The following PTPRG variants were observed in gnomAD, a reference collection of about 807,000 sequenced individuals.
The protein encoded by PTPRG is receptor-type tyrosine-protein phosphatase gamma.
A neutral mutation model predicts 165.3 loss-of-function variants in PTPRG; 102 were observed. The ratio of observed to expected loss-of-function variants is 0.62; its 90% CI spans 0.53 to 0.73. The LOEUF is 0.73. Among genes scored for constraint, PTPRG ranks in the 30% least tolerant of loss-of-function variants. The probability of loss-of-function intolerance (pLI) is 0.00; values close to 1 mark genes in which losing one functional copy is unlikely to be tolerated. For synonymous variants in PTPRG, 675 were observed against 669.5 expected (o/e 1.01, Z -0.13); for missense variants, 1,866 against 1,861.4 (o/e 1.00, Z -0.05).
intron 2 of PTPRG, among the ~76,000 whole-genome samples, chr3:61,790,114 A>G (rs944138370): frequency 6.6e-6 from 1 of 152,148 alleles, no homozygotes; most frequent in East Asian, 1.9e-4. Context: ...GACTGGTGTG[A>G]TCACTTAGCC....
At chr3:61,869,016 C>T (rs909586012) in intron 2 of PTPRG, among the ~76,000 whole-genome samples, 7 of 151,898 alleles carry the variant, frequency 4.6e-5, no homozygotes, top group East Asian at 1.9e-4. Context: ...ATAGTTTCCA[C>T]GCTTCATAAA....
At position 62,296,492 on chromosome 3, in the gene PTPRG, A is replaced by G. The variant is rs1703067342; in HGVS notation, c.*3185A>G. 1 of 151,642 alleles carries G rather than the reference A, an allele frequency of 6.6e-6. No homozygotes were observed. Among genetic ancestry groups the G allele is most frequent in the African/African-American group, 2.4e-5 (1 of 41,078 alleles). 9.4% of individuals were successfully genotyped at this position (151,642 alleles called of 1,614,324 possible). A position where few individuals can be genotyped will look rare whatever the true frequency, so the allele number is the denominator to read the frequency against. ...ATACATATTACTAATTCTAAGCAAA[A>G]CTAAAAAAAAAACCCAACTCATCAT... is the stretch of plus-strand genomic sequence containing the variant. On this transcript the variant is annotated 3_prime_UTR_variant, in exon 30 of 30. Coordinates refer to ENST00000474889, the MANE Select transcript of PTPRG (RefSeq NM_002841.4).
At chr3:61,910,288 G>C (rs903060846) in intron 2 of PTPRG, among the ~76,000 whole-genome samples, 1 of 152,116 alleles carries the variant, frequency 6.6e-6, no homozygotes, top group Non-Finnish European at 1.5e-5. Flanking sequence ...GTTTGTTGCC[G>C]AATGTCACCA....
chr3:62,179,132 A>C (rs1406743055), intron 8 of PTPRG, among the ~76,000 whole-genome samples: 1 of 152,222 alleles, frequency 6.6e-6, no homozygotes, highest in East Asian at 1.9e-4. Flanking sequence ...GAATATGGAC[A>C]GAACCCTTCT....
At chr3:62,258,044 C>T (rs927798227) in intron 16 of PTPRG, among the ~76,000 whole-genome samples, 1 of 152,034 alleles carries the variant, frequency 6.6e-6, no homozygotes, top group South Asian at 2.1e-4. Flanking sequence ...TTGCAAGTGA[C>T]TAGAAATGAT....
At chr3:61,810,967 G>A (rs2035556109) in intron 2 of PTPRG, among the ~76,000 whole-genome samples, 1 of 152,166 alleles carries the variant, frequency 6.6e-6, no homozygotes, top group Admixed American at 6.5e-5. Flanking sequence ...GTTGGGGAGT[G>A]CAAGGCTGTC....
chr3:61,716,157 T>C (rs2031797505), intron 1 of PTPRG, among the ~76,000 whole-genome samples: 2 of 152,026 alleles, frequency 1.3e-5, no homozygotes, highest in Admixed American at 1.3e-4. Flanking sequence ...GTTTGTTTGC[T>C]TTTTTCCCCA....
intron 1 of PTPRG, among the ~76,000 whole-genome samples, chr3:61,740,686 C>T (rs1243006977): frequency 1.3e-5 from 2 of 151,940 alleles, no homozygotes; most frequent in African/African-American, 4.8e-5. Flanking sequence ...TAGGATACGA[C>T]ATTGCTGTGT....
At chr3:62,136,721 G>A (rs1244060364) in intron 6 of PTPRG, among the ~76,000 whole-genome samples, 1 of 152,132 alleles carries the variant, frequency 6.6e-6, no homozygotes, top group Non-Finnish European at 1.5e-5. Flanking sequence ...TTTAAAAAGG[G>A]GAGTTTCCCT....
At chr3:61,899,408 A>G (rs1559677232) in intron 2 of PTPRG, among the ~76,000 whole-genome samples, 1 of 152,178 alleles carries the variant, frequency 6.6e-6, no homozygotes. Flanking sequence ...TCAGGAAAAA[A>G]TCCAAAATGA....
chr3:62,005,802 A>C (rs1308292064), intron 4 of PTPRG, among the ~76,000 whole-genome samples: 2 of 144,864 alleles, frequency 1.4e-5, no homozygotes, highest in Non-Finnish European at 3.0e-5. Context: ...TCCTGGGTTC[A>C]AGCAATTCTC....
chr3:62,109,623 A>G (rs1702596113), intron 5 of PTPRG, among the ~76,000 whole-genome samples: 1 of 152,028 alleles, frequency 6.6e-6, no homozygotes, highest in Admixed American at 6.6e-5. Flanking sequence ...TGTAGAGGAC[A>G]CTGGGGGCAC....
At chr3:62,270,522 CTT>C (rs1702026304) in intron 20 of PTPRG, among the ~76,000 whole-genome samples, 1 of 152,156 alleles carries the variant, frequency 6.6e-6, no homozygotes, top group South Asian at 2.1e-4. Context: ...CCCACTTACT[CTT>C]GTTTTAGAAA....
At chr3:61,685,346 G>A (rs1703590335) in intron 1 of PTPRG, among the ~76,000 whole-genome samples, 1 of 152,186 alleles carries the variant, frequency 6.6e-6, no homozygotes, top group African/African-American at 2.4e-5. Context: ...GGAGAAGAGG[G>A]TTGGTTAAAA....
At chr3:61,819,894 T>C (rs2035901910) in intron 2 of PTPRG, among the ~76,000 whole-genome samples, 1 of 152,194 alleles carries the variant, frequency 6.6e-6, no homozygotes, top group African/African-American at 2.4e-5. Flanking sequence ...GCAAACACGT[T>C]GTAAAATGGA....
intron 2 of PTPRG, among the ~76,000 whole-genome samples, chr3:61,889,942 TG>T (rs1473910827): frequency 2.0e-5 from 3 of 152,154 alleles, no homozygotes; most frequent in African/African-American, 4.8e-5. Context: ...AAACGGATGA[TG>T]GGGGGCATTC....
intron 1 of PTPRG, among the ~76,000 whole-genome samples, chr3:61,676,850 G>A (rs2107099733): frequency 6.6e-6 from 1 of 152,178 alleles, no homozygotes; most frequent in African/African-American, 2.4e-5. Flanking sequence ...TCTTTTATTG[G>A]CTTCCATAGC....
At chr3:61,776,759 T>C (rs1300273684) in intron 2 of PTPRG, among the ~76,000 whole-genome samples, 1 of 152,114 alleles carries the variant, frequency 6.6e-6, no homozygotes, top group Non-Finnish European at 1.5e-5. Context: ...ACACATTCTG[T>C]AATTGTGTGT....
At chr3:61,844,124 C>T (rs1415012843) in intron 2 of PTPRG, among the ~76,000 whole-genome samples, 6 of 152,028 alleles carry the variant, frequency 3.9e-5, no homozygotes, top group Admixed American at 6.5e-5. Flanking sequence ...CCCCCAGGCC[C>T]GGCTATATTT....
Sources: allele counts gnomAD v4.1 joint callset (sites outside exome capture counted in the v4.1 genomes callset), GRCh38; gene constraint gnomAD v4.1.1; transcripts MANE v1.5; gene names NCBI Gene and HGNC (gene_info 2026-07-23, HGNC 2026-07-21).